The following DENND4C variants were observed in gnomAD, a reference collection of about 807,000 sequenced individuals.
DENND4C encodes the protein DENN domain containing 4C, also known as DENN domain-containing protein 4C.
DENND4C carries 108 observed loss-of-function variants against 203.0 expected under a neutral mutation model. The ratio of observed to expected loss-of-function variants is 0.53; its 90% CI spans 0.46 to 0.62. The LOEUF is 0.62. Ranked by LOEUF, DENND4C falls within the 20% of genes least tolerant of loss-of-function variation. DENND4C has a pLI of 0.00. For missense variants in DENND4C, 2,481 were observed against 2,301.2 expected (o/e 1.08, Z -1.60); for synonymous variants, 871 against 792.4 (o/e 1.10, Z -1.67).
chr9:19,336,454 A>G, intron 19 of DENND4C, 40 bp downstream of exon 19: 1 of 1,587,446 alleles, frequency 6.3e-7, no homozygotes, highest in Non-Finnish European at 8.6e-7. Context: ...TTACTGAACC[A>G]TGAGCTTTAT....
intron 10 of DENND4C, among the ~76,000 whole-genome samples, chr9:19,308,935 G>T (rs1588889412): frequency 6.6e-6 from 1 of 152,058 alleles, no homozygotes; most frequent in Non-Finnish European, 1.5e-5. Context: ...AAATTAAGTT[G>T]TCTACAACAT....
In DENND4C at chr9:19,262,076, C is replaced by CT. The variant is rs60223074; in HGVS notation, c.-17-14053dup. Among the ~76,000 whole-genome samples, 121 of 55,516 alleles carry CT rather than the reference C, an allele frequency of 2.2e-3. 10 individuals carry two copies. The highest frequency in any genetic ancestry group is 6.7e-3 in the South Asian group (6 of 892). The allele number at this position is 55,516 out of a possible 152,430, so 36.4% of individuals were successfully genotyped here. On this transcript the variant is annotated intron_variant, in intron 1 of 32. Transcript: ENST00000434457. ...TGAAACTTTAGTGAATTTATTAGTT[C>CT]TTTTTTTTTTTTTTTTTTTTTTTTT...
At chr9:19,347,965 T>C (rs1335577292) in intron 23 of DENND4C, among the ~76,000 whole-genome samples, 1 of 152,172 alleles carries the variant, frequency 6.6e-6, no homozygotes, top group Non-Finnish European at 1.5e-5. Flanking sequence ...AGTGGGTAAG[T>C]TTTGCTTGTT....
intron 23 of DENND4C, among the ~76,000 whole-genome samples, chr9:19,347,730 T>C (rs1286503500): frequency 6.6e-6 from 1 of 152,256 alleles, no homozygotes; most frequent in Non-Finnish European, 1.5e-5. Context: ...ACATTATTTA[T>C]TTCTTTGAAA....
intron 1 of DENND4C, among the ~76,000 whole-genome samples, chr9:19,257,582 CAG>C (rs752227740): frequency 4.0e-5 from 6 of 151,210 alleles, no homozygotes; most frequent in Non-Finnish European, 2.9e-5. Flanking sequence ...AAATATGAAA[CAG>C]AAAAGCAAGA....
Position 19,268,276 on chromosome 9 carries a change from T to A in DENND4C, c.-17-7882T>A, listed in dbSNP as rs796748721. Among the ~76,000 whole-genome samples the A allele has an allele frequency of 6.6e-5, 10 of 152,188 alleles. 1 individual carries two copies. Among genetic ancestry groups the A allele is most frequent in the African/African-American group, 2.4e-4 (10 of 41,518 alleles). ...CACTATACCTGGCGAATTTTTGTAT[T>A]TTTTGTAGAGACGGGGTTTTGCCAT... On this transcript the variant is annotated intron_variant, in intron 1 of 32. Transcript: ENST00000434457.
chr9:19,334,781 C>G (rs1001330602), intron 17 of DENND4C, among the ~76,000 whole-genome samples, 196 bp from the exon 18 acceptor site: 3 of 152,122 alleles, frequency 2.0e-5, no homozygotes, highest in Admixed American at 2.0e-4. Context: ...CCGTCTCAGC[C>G]TCCCTAAGTG....
intron 26 of DENND4C, among the ~76,000 whole-genome samples, chr9:19,356,250 T>C (rs1029394537): frequency 6.6e-6 from 1 of 152,180 alleles, no homozygotes; most frequent in Non-Finnish European, 1.5e-5. Flanking sequence ...CCCAAAGACT[T>C]TGATATGCAT....
At chr9:19,263,809 C>A (rs186840078) in intron 1 of DENND4C, among the ~76,000 whole-genome samples, 2 of 152,126 alleles carry the variant, frequency 1.3e-5, no homozygotes, top group East Asian at 1.9e-4. Flanking sequence ...GCGCCCACCA[C>A]CACGCCCGGC....
At chr9:19,366,003 T>C (rs1827579882) in intron 30 of DENND4C, among the ~76,000 whole-genome samples, 1 of 152,342 alleles carries the variant, frequency 6.6e-6, no homozygotes, top group South Asian at 2.1e-4. Context: ...CCTAAATTGA[T>C]TTACAGATTG....
chr9:19,235,609 C>CTT (rs58031665), intron 1 of DENND4C, among the ~76,000 whole-genome samples: 2,115 of 118,914 alleles, frequency 0.018, 100 homozygotes, highest in African/African-American at 0.03. Flanking sequence ...GAAGAGTCAT[C>CTT]TTTTTTTTTT....
At chr9:19,288,916 A>T (rs960821209) in intron 4 of DENND4C, among the ~76,000 whole-genome samples, 1 of 152,236 alleles carries the variant, frequency 6.6e-6, no homozygotes. Context: ...TGGAATAAAC[A>T]TTCAAGCTTT....
chr9:19,245,033 C>A (rs1488298996), intron 1 of DENND4C, among the ~76,000 whole-genome samples: 1 of 152,176 alleles, frequency 6.6e-6, no homozygotes. Flanking sequence ...TCTAACCTAC[C>A]TTAGCTGTCT....
chr9:19,362,103 G>C, intron 30 of DENND4C, 140 bp downstream of exon 30: 1 of 524,054 alleles, frequency 1.9e-6, no homozygotes. Flanking sequence ...GTGAAATCCT[G>C]TCTCTATTAA....
intron 16 of DENND4C, among the ~76,000 whole-genome samples, chr9:19,330,896 G>A (rs2997512): frequency 0.15 from 22,712 of 151,178 alleles, 1,902 homozygotes; most frequent in Middle Eastern, 0.34. Context: ...CTAAAAATCT[G>A]CACAAAAAAA....
intron 18 of DENND4C, 23 bp from the exon 19 acceptor site, chr9:19,336,247 T>G: frequency 6.2e-7 from 1 of 1,604,126 alleles, no homozygotes; most frequent in Non-Finnish European, 8.5e-7. Context: ...TGAACATTAT[T>G]TTTACCCTTA....
At chr9:19,325,004 G>A (rs892626856) in intron 13 of DENND4C, among the ~76,000 whole-genome samples, 1 of 152,020 alleles carries the variant, frequency 6.6e-6, no homozygotes, top group Non-Finnish European at 1.5e-5. Flanking sequence ...AGGATGAGCC[G>A]CCATGCCCAG....
At chr9:19,329,724 CT>C (rs1317354107) in intron 16 of DENND4C, among the ~76,000 whole-genome samples, 1 of 152,034 alleles carries the variant, frequency 6.6e-6, no homozygotes, top group Non-Finnish European at 1.5e-5. Context: ...TATTGTTTGT[CT>C]TTTTGGTTAT....
chr9:19,299,885 C>T (rs551264543), intron 8 of DENND4C, among the ~76,000 whole-genome samples: 2 of 152,236 alleles, frequency 1.3e-5, no homozygotes, highest in African/African-American at 4.8e-5. Context: ...TTTTTCTTGC[C>T]CCAGGGCCCT....
Sources: allele counts gnomAD v4.1 joint callset (sites outside exome capture counted in the v4.1 genomes callset), GRCh38; gene constraint gnomAD v4.1.1; transcripts MANE v1.5; gene names NCBI Gene and HGNC (gene_info 2026-07-23, HGNC 2026-07-21).